The following ZNF407 variants were observed in gnomAD, a reference collection of about 807,000 sequenced individuals.
ZNF407 encodes zinc finger protein 407.
In ZNF407, 17 loss-of-function variants were observed where a neutral mutation model predicts 131.2. The ratio of observed to expected loss-of-function variants is 0.13; its 90% CI spans 0.09 to 0.19. The LOEUF (loss-of-function observed/expected upper bound fraction) is 0.19, where lower values mean the gene tolerates loss of function less well. ZNF407 is among the 10% of genes least tolerant of loss of function. ZNF407 has a pLI of 1.00. For missense variants in ZNF407, 2,681 were observed against 2,830.6 expected (o/e 0.95, Z 1.20); for synonymous variants, 1,156 against 1,062.0 (o/e 1.09, Z -1.72).
chr18:74,975,687 A>G (rs1189822631), intron 8 of ZNF407, among the ~76,000 whole-genome samples: 2 of 152,208 alleles, frequency 1.3e-5, no homozygotes, highest in Non-Finnish European at 2.9e-5. Flanking sequence ...TAGAGCCTAA[A>G]GTGATCAGCT....
At chr18:75,013,559 T>C (rs575044032) in intron 8 of ZNF407, among the ~76,000 whole-genome samples, 3 of 152,240 alleles carry the variant, frequency 2.0e-5, no homozygotes, top group Non-Finnish European at 2.9e-5. Context: ...ATTTTGCCCA[T>C]GAAGCAAGGT....
At chr18:74,644,209 T>A (rs1984861066) in intron 3 of ZNF407, among the ~76,000 whole-genome samples, 1 of 150,636 alleles carries the variant, frequency 6.6e-6, no homozygotes, top group African/African-American at 2.4e-5. Context: ...AAAGTTGAGT[T>A]TCTTACTTGT....
At chr18:74,872,289 A>T (rs1971098106) in intron 4 of ZNF407, among the ~76,000 whole-genome samples, 1 of 152,018 alleles carries the variant, frequency 6.6e-6, no homozygotes, top group South Asian at 2.1e-4. Context: ...TAAATGATAC[A>T]GTTTCACACC....
intron 3 of ZNF407, among the ~76,000 whole-genome samples, chr18:74,656,317 T>C (rs1985454529): frequency 6.6e-6 from 1 of 152,040 alleles, no homozygotes; most frequent in South Asian, 2.1e-4. Flanking sequence ...TGGTGTGCAG[T>C]TCATTTTTTG....
At position 75,046,908 on chromosome 18, in the gene ZNF407, A is replaced by G. The variant is rs188950879; in HGVS notation, c.5429-16242A>G. Among the ~76,000 whole-genome samples the G allele has an allele frequency of 2.6e-5, 4 of 152,316 alleles. No individual in the cohort carries two copies. In the East Asian group the frequency reaches 5.8e-4, roughly 22 times the overall value. On this transcript the variant is annotated intron_variant, in intron 8 of 8. Coordinates refer to ENST00000299687, the MANE Select transcript of ZNF407 (RefSeq NM_017757.3). ...CTTCAATATATACTAGTCGAATTTA[A>G]GTCAAATAAATTATGTTCATGGCAG...
At chr18:74,686,352 A>G (rs1967096643) in intron 3 of ZNF407, among the ~76,000 whole-genome samples, 1 of 152,190 alleles carries the variant, frequency 6.6e-6, no homozygotes, top group South Asian at 2.1e-4. Context: ...CATCTACTTC[A>G]TAACCCCCAT....
chr18:74,643,879 G>T (rs1027270708), intron 3 of ZNF407, among the ~76,000 whole-genome samples: 1 of 151,894 alleles, frequency 6.6e-6, no homozygotes, highest in Non-Finnish European at 1.5e-5. Context: ...GAATCTTCAG[G>T]ATCAGTTTTA....
chr18:74,989,126 A>G (rs1972688300), intron 8 of ZNF407, among the ~76,000 whole-genome samples: 1 of 152,218 alleles, frequency 6.6e-6, no homozygotes, highest in Non-Finnish European at 1.5e-5. Context: ...ATGGAATACT[A>G]TTTAGTAAGA....
intron 7 of ZNF407, among the ~76,000 whole-genome samples, chr18:74,919,822 T>C (rs779769636): frequency 2.6e-5 from 4 of 152,198 alleles, no homozygotes; most frequent in Non-Finnish European, 5.9e-5. Context: ...GCTTGCTGAT[T>C]ATTTCAGGGC....
rs1971790076 is a variant in ZNF407 at position 74,917,558 on chromosome 18, A to G, written c.5250-2956A>G. ...CTCCCTTTGTCCCCATATACGTCTTACCTATTTCAGTAATAGTCCCCGGTT... is the reference window on the plus strand; with the variant it reads ...CTCCCTTTGTCCCCATATACGTCTTGCCTATTTCAGTAATAGTCCCCGGTT... On this transcript the variant is annotated intron_variant, in intron 7 of 8. Coordinates refer to ENST00000299687, the MANE Select transcript of ZNF407 (RefSeq NM_017757.3). 2.0e-5 allele frequency among the ~76,000 whole-genome samples: 3 copies of G among 152,066 alleles called. No homozygotes were observed. In the South Asian group the frequency reaches 6.2e-4, roughly 32 times the overall value.
At chr18:74,751,607 G>C (rs1357113346) in intron 3 of ZNF407, among the ~76,000 whole-genome samples, 3 of 151,910 alleles carry the variant, frequency 2.0e-5, no homozygotes, top group Non-Finnish European at 4.4e-5. Context: ...CCACCTATGA[G>C]TGAGAACATG....
At chr18:75,026,745 C>G (rs941555778) in intron 8 of ZNF407, among the ~76,000 whole-genome samples, 1 of 152,200 alleles carries the variant, frequency 6.6e-6, no homozygotes, top group Admixed American at 6.5e-5. Flanking sequence ...GCACACCTCA[C>G]TAAATACTTT....
At chr18:74,977,052 A>G (rs1328222459) in intron 8 of ZNF407, among the ~76,000 whole-genome samples, 1 of 152,266 alleles carries the variant, frequency 6.6e-6, no homozygotes, top group Non-Finnish European at 1.5e-5. Context: ...ATAGACTTTT[A>G]ACCATTTAGT....
intron 1 of ZNF407, among the ~76,000 whole-genome samples, chr18:74,605,797 G>A (rs1435379977): frequency 6.6e-6 from 1 of 152,074 alleles, no homozygotes; most frequent in African/African-American, 2.4e-5. Context: ...ACACACATTG[G>A]TATACTAGAA....
chr18:74,949,888 TC>T (rs1333062674), intron 8 of ZNF407, among the ~76,000 whole-genome samples: 1 of 152,200 alleles, frequency 6.6e-6, no homozygotes, highest in Non-Finnish European at 1.5e-5. Context: ...ACCTAGTCCC[TC>T]TTGGATTCAA....
rs144606301 is a variant in ZNF407, at chr18:74,706,580, TC to T, written c.4802+65460del. ...AGCTCTGAACAGCACTGACCAAGTC[TC>T]CACCTGGAACTCACCTTCAAGTTTA... On this transcript the variant is annotated intron_variant, in intron 3 of 8. Coordinates refer to ENST00000299687, the MANE Select transcript of ZNF407 (RefSeq NM_017757.3). Among the ~76,000 whole-genome samples, 577 of 152,304 alleles carry T rather than the reference TC, an allele frequency of 3.8e-3. 4 individuals carry two copies. The highest frequency in any genetic ancestry group is 6.8e-3 in the South Asian group (33 of 4,822).
At chr18:75,062,976 GC>G in intron 8 of ZNF407, 173 bp from the exon 9 acceptor site, 1 of 572,922 alleles carries the variant, frequency 1.7e-6, no homozygotes. Flanking sequence ...GCCTGCAGAT[GC>G]CCACGGAGGC....
intron 3 of ZNF407, among the ~76,000 whole-genome samples, chr18:74,764,886 A>G (rs1209786710): frequency 6.6e-6 from 1 of 152,234 alleles, no homozygotes; most frequent in Non-Finnish European, 1.5e-5. Context: ...CATAAGAAAT[A>G]GGTGTATTAT....
At chr18:74,893,820 T>C (rs1468493854) in intron 7 of ZNF407, among the ~76,000 whole-genome samples, 1 of 152,168 alleles carries the variant, frequency 6.6e-6, no homozygotes, top group Admixed American at 6.5e-5. Context: ...GTTCAAAATA[T>C]TTAACTTCTA....
Sources: gnomAD v4.1 joint callset for allele counts (sites outside exome capture counted in the v4.1 genomes callset) on GRCh38, gnomAD v4.1.1 for gene constraint, MANE v1.5 for transcripts, NCBI Gene and HGNC (gene_info 2026-07-23, HGNC 2026-07-21) for gene names.